Variants in CCSER1 observed in about 807,000 individuals in gnomAD.
The protein encoded by CCSER1 is serine-rich coiled-coil domain-containing protein 1.
Under a neutral mutation model 82.0 loss-of-function variants are expected in CCSER1, and 41 were observed. The ratio of observed to expected loss-of-function variants is 0.50; its 90% CI spans 0.39 to 0.65. The LOEUF is 0.65. Ranked by LOEUF, CCSER1 falls within the 30% of genes least tolerant of loss-of-function variation. The pLI is 0.00. For missense variants in CCSER1, 1,119 were observed against 1,064.2 expected (o/e 1.05, Z -0.72); for synonymous variants, 414 against 383.9 (o/e 1.08, Z -0.92).
chr4:90,789,381 T>C (rs964196328), intron 7 of CCSER1, among the ~76,000 whole-genome samples: 1 of 152,316 alleles, frequency 6.6e-6, no homozygotes, highest in Admixed American at 6.5e-5. Context: ...TCACAATCAC[T>C]TTTTTGTTTT....
intron 1 of CCSER1, among the ~76,000 whole-genome samples, chr4:90,130,558 C>G (rs1224706583): frequency 6.6e-6 from 1 of 152,094 alleles, no homozygotes; most frequent in Non-Finnish European, 1.5e-5. Flanking sequence ...TAAGATATTG[C>G]TGGATATTTT....
chr4:91,148,932 C>T (rs1029448361), intron 10 of CCSER1, among the ~76,000 whole-genome samples: 3 of 152,098 alleles, frequency 2.0e-5, no homozygotes, highest in African/African-American at 4.8e-5. Context: ...GTGAATAGTG[C>T]CACAATAAAC....
intron 10 of CCSER1, among the ~76,000 whole-genome samples, chr4:91,397,026 G>A (rs1031887272): frequency 1.3e-5 from 2 of 152,062 alleles, no homozygotes; most frequent in Non-Finnish European, 2.9e-5. Flanking sequence ...CCAAGCTAGA[G>A]AGAAGCATCT....
At chr4:91,512,918 G>A (rs980869394) in intron 10 of CCSER1, among the ~76,000 whole-genome samples, 1 of 152,074 alleles carries the variant, frequency 6.6e-6, no homozygotes, top group Non-Finnish European at 1.5e-5. Flanking sequence ...AAGAGAGACA[G>A]TTTGACTTCT....
intron 7 of CCSER1, among the ~76,000 whole-genome samples, chr4:90,747,703 C>T (rs140328078): frequency 0.013 from 2,009 of 151,434 alleles, 52 homozygotes; most frequent in African/African-American, 0.046. Flanking sequence ...GCACGATGTG[C>T]AGGTTAGTTA....
intron 10 of CCSER1, among the ~76,000 whole-genome samples, chr4:91,481,131 T>A (rs1757888212): frequency 6.8e-6 from 1 of 147,818 alleles, no homozygotes; most frequent in Non-Finnish European, 1.5e-5. Context: ...TTCCTTTATG[T>A]CAACCATTGT....
chr4:91,422,054 T>C (rs928387988), intron 10 of CCSER1, among the ~76,000 whole-genome samples: 4 of 152,130 alleles, frequency 2.6e-5, no homozygotes, highest in African/African-American at 9.7e-5. Context: ...TGCAAGTGCC[T>C]GGAAGTAAAT....
chr4:90,625,831 A>G (rs1723152887), intron 5 of CCSER1, among the ~76,000 whole-genome samples: 2 of 152,202 alleles, frequency 1.3e-5, no homozygotes, highest in African/African-American at 4.8e-5. Flanking sequence ...TTCAAAATGC[A>G]TTTCTGTACA....
rs551228547 is a variant in CCSER1, at chr4:91,287,923, T to C, written c.2217+201929T>C. Among the ~76,000 whole-genome samples the C allele has an allele frequency of 2.0e-5, 3 of 151,812 alleles. No individual in the cohort carries two copies. The East Asian group carries it at 5.8e-4, about 29-fold the overall frequency. ...TTGAGACCACAGTAATGATTTTACA[T>C]GTAATTGAGCTGACCATTTTTGAGC... On this transcript the variant is annotated intron_variant, in intron 10 of 10. Coordinates refer to ENST00000509176, the MANE Select transcript of CCSER1 (RefSeq NM_001145065.2).
intron 3 of CCSER1, among the ~76,000 whole-genome samples, chr4:90,319,036 T>C (rs1269304336): frequency 6.6e-6 from 1 of 152,186 alleles, no homozygotes; most frequent in Admixed American, 6.5e-5. Context: ...AATGGGCACA[T>C]GAACTCCTGT....
chr4:91,116,297 C>A (rs564372702), intron 10 of CCSER1, among the ~76,000 whole-genome samples: 2 of 152,188 alleles, frequency 1.3e-5, no homozygotes, highest in African/African-American at 4.8e-5. Context: ...GCTGGAAATC[C>A]CTGGCTTTTT....
intron 5 of CCSER1, among the ~76,000 whole-genome samples, chr4:90,583,055 GTTTTC>G (rs1024493229): frequency 3.3e-5 from 5 of 151,960 alleles, no homozygotes; most frequent in African/African-American, 1.2e-4. Flanking sequence ...AATATTTCTT[GTTTTC>G]TTTTATTTTA....
intron 8 of CCSER1, among the ~76,000 whole-genome samples, chr4:90,879,536 AGAAGAAAGAAGAAGAAGAG>A (rs1372577770): frequency 2.2e-5 from 3 of 139,322 alleles, no homozygotes; most frequent in Admixed American, 2.1e-4. Flanking sequence ...AAGAGGAAGA[AGAAGAAAGAAGAAGAAGAG>A]GAAGAAGAAG....
chr4:90,480,974 G>A (rs752980121), intron 5 of CCSER1, among the ~76,000 whole-genome samples: 2 of 152,154 alleles, frequency 1.3e-5, no homozygotes, highest in Non-Finnish European at 2.9e-5. Context: ...TGGGCAGTAT[G>A]GCCATTTTCA....
intron 10 of CCSER1, among the ~76,000 whole-genome samples, chr4:91,244,384 T>C (rs1179697716): frequency 1.3e-5 from 2 of 152,206 alleles, no homozygotes; most frequent in African/African-American, 2.4e-5. Context: ...CAGTGCTGTG[T>C]TGGCTTCAGG....
At chr4:90,860,532 T>G (rs994734864) in intron 8 of CCSER1, among the ~76,000 whole-genome samples, 3 of 151,722 alleles carry the variant, frequency 2.0e-5, no homozygotes, top group African/African-American at 7.2e-5. Context: ...CTCCTCGGTC[T>G]ATACCCAAGA....
chr4:90,768,392 C>T (rs998107603), intron 7 of CCSER1, among the ~76,000 whole-genome samples: 6 of 152,166 alleles, frequency 3.9e-5, no homozygotes, highest in Admixed American at 6.5e-5. Flanking sequence ...AATTTCTGAC[C>T]CACAGAAACT....
At chr4:91,103,342 C>T (rs1725270654) in intron 10 of CCSER1, among the ~76,000 whole-genome samples, 1 of 152,248 alleles carries the variant, frequency 6.6e-6, no homozygotes, top group East Asian at 1.9e-4. Flanking sequence ...CAAAGGGGCC[C>T]CTCAGTTCCT....
At chr4:91,028,729 C>T (rs1015889776) in intron 9 of CCSER1, among the ~76,000 whole-genome samples, 3 of 151,590 alleles carry the variant, frequency 2.0e-5, no homozygotes, top group African/African-American at 7.3e-5. Flanking sequence ...AAAATTAATG[C>T]TCGAAGCCCT....
Sources: allele counts gnomAD v4.1 joint callset (sites outside exome capture counted in the v4.1 genomes callset), GRCh38; gene constraint gnomAD v4.1.1; transcripts MANE v1.5; gene names NCBI Gene and HGNC (gene_info 2026-07-23, HGNC 2026-07-21).